The following MINDY3 variants were observed in gnomAD, a reference collection of about 807,000 sequenced individuals.
MINDY3 encodes the protein MINDY lysine 48 deubiquitinase 3, also known as ubiquitin carboxyl-terminal hydrolase MINDY-3.
Under a neutral mutation model 69.2 loss-of-function variants are expected in MINDY3, and 38 were observed. The ratio of observed to expected loss-of-function variants is 0.55; its 90% CI spans 0.42 to 0.72. MINDY3 has a LOEUF of 0.72. Ranked by LOEUF, MINDY3 falls within the 30% of genes least tolerant of loss-of-function variation. MINDY3 has a pLI of 0.00. For missense variants in MINDY3, 522 were observed against 519.0 expected (o/e 1.01, Z -0.06); for synonymous variants, 192 against 180.1 (o/e 1.07, Z -0.53).
chr10:15,805,094 C>A (rs1838540526), intron 10 of MINDY3, among the ~76,000 whole-genome samples: 1 of 152,032 alleles, frequency 6.6e-6, no homozygotes, highest in African/African-American at 2.4e-5. Flanking sequence ...ACTCTTGTGC[C>A]ATAATTATTA....
intron 12 of MINDY3, among the ~76,000 whole-genome samples, chr10:15,787,316 AAAGAAGGAAG>A (rs1837046663): frequency 6.6e-6 from 1 of 152,160 alleles, no homozygotes; most frequent in African/African-American, 2.4e-5. Context: ...GTGTGACTAG[AAAGAAGGAAG>A]AAGAAGGCAG....
In MINDY3 at chr10:15,860,429, G is replaced by A. The variant is rs908637747; in HGVS notation, c.-130C>T. 1 of 732,850 alleles carries A rather than the reference G, an allele frequency of 1.4e-6. No homozygotes were observed. The highest frequency in any genetic ancestry group is 2.4e-6 in the Non-Finnish European group (1 of 417,740). The allele number at this position is 732,850 out of a possible 1,614,324, so 45.4% of individuals were successfully genotyped here. A position where few individuals can be genotyped will look rare whatever the true frequency, so the allele number is the denominator to read the frequency against. On this transcript the variant is annotated 5_prime_UTR_variant, in exon 1 of 15. Coordinates refer to ENST00000277632, the MANE Select transcript of MINDY3 (RefSeq NM_024948.4). ...AATTGGAAGGTGAGGCAGGAAAGAA[G>A]AAGGGGCTGAGAGCCACTTGCAGAG...
At chr10:15,837,874 A>G (rs1833194607) in intron 5 of MINDY3, 1 of 948,248 alleles carries the variant, frequency 1.1e-6, no homozygotes. Flanking sequence ...AAAGGTATAG[A>G]AAACAGATAC....
Position 15,786,637 on chromosome 10 carries a change from A to G in MINDY3, c.1040T>C (p.Met347Thr), listed in dbSNP as rs141903607. ...TCCTTCTGGATCTAATTTATTCTTCATGAGATTTATACTACGGGGAGAAAG... is the reference window on the plus strand; with the variant it reads ...TCCTTCTGGATCTAATTTATTCTTCGTGAGATTTATACTACGGGGAGAAAG... ...LVSDPEYINL[M>T]KNKLDPEGLG... Residue 347 changes from methionine to threonine, a missense_variant, in exon 13 of 15, where the codon ATG (methionine) becomes ACG (threonine). By Grantham distance (81) the Met-to-Thr change is moderately conservative (BLOSUM62 -1). Transcript: ENST00000277632. 3.8e-6 allele frequency: 6 copies of G among 1,571,590 alleles called. No homozygotes were observed. The African/African-American group carries it at 5.4e-5, about 14-fold the overall frequency.
intron 12 of MINDY3, 36 bp from the exon 13 acceptor site, chr10:15,786,684 AG>A (rs1345366340): frequency 2.5e-6 from 3 of 1,224,088 alleles, no homozygotes; most frequent in African/African-American, 3.1e-5. Context: ...TGGATACCAG[AG>A]GAAAAAAAAA....
intron 10 of MINDY3, among the ~76,000 whole-genome samples, chr10:15,813,987 A>G (rs574207961): frequency 4.0e-5 from 6 of 151,530 alleles, no homozygotes; most frequent in Non-Finnish European, 8.8e-5. Context: ...TCAAAAAAAA[A>G]AAAAAAAGAA....
chr10:15,823,692 C>T (rs544446823), intron 8 of MINDY3, among the ~76,000 whole-genome samples: 43 of 152,192 alleles, frequency 2.8e-4, no homozygotes, highest in African/African-American at 1.0e-3. Flanking sequence ...AAGTACAATG[C>T]AATTTTCTTA....
At chr10:15,844,829 G>C (rs1429520868) in intron 2 of MINDY3, among the ~76,000 whole-genome samples, 1 of 152,068 alleles carries the variant, frequency 6.6e-6, no homozygotes, top group African/African-American at 2.4e-5. Flanking sequence ...TATTTTTAAA[G>C]ATGACAAAAA....
Position 15,817,082 on chromosome 10 carries a change from A to G in MINDY3, c.802-167T>C, listed in dbSNP as rs112264709. On this transcript the variant is annotated intron_variant, in intron 9 of 14. Transcript: ENST00000277632. ...TAGAGATCAAATGCTGAATGTAAAAATGAGTGTTAGAAGACTGTCAGTACT... is the reference window on the plus strand; with the variant it reads ...TAGAGATCAAATGCTGAATGTAAAAGTGAGTGTTAGAAGACTGTCAGTACT... 213 of 603,250 alleles carry G rather than the reference A, an allele frequency of 3.5e-4. 1 individual carries two copies. The African/African-American group carries it at 3.7e-3, about 10-fold the overall frequency. The allele number at this position is 603,250 out of a possible 1,614,324, so 37.4% of individuals were successfully genotyped here.
chr10:15,812,788 T>C (rs1317157464), intron 10 of MINDY3, among the ~76,000 whole-genome samples: 3 of 152,160 alleles, frequency 2.0e-5, no homozygotes, highest in African/African-American at 7.2e-5. Context: ...AGCAGTTACA[T>C]TCAACAACAG....
chr10:15,860,460 G>C lies in MINDY3; in HGVS notation c.-161C>G. Reference sequence around the variant, plus strand: ...GCTGAGAGCCACTTGCAGAGACCAAGCCTGTCAAGCCAGGTTGGGGCAGCA... The same window carrying C: ...GCTGAGAGCCACTTGCAGAGACCAACCCTGTCAAGCCAGGTTGGGGCAGCA... On this transcript the variant is annotated 5_prime_UTR_variant, in exon 1 of 15. Transcript: ENST00000277632. The C allele has an allele frequency of 1.5e-6, 1 of 650,368 alleles. No homozygotes were observed. The highest frequency in any genetic ancestry group is 2.7e-6 in the Non-Finnish European group (1 of 369,180). The allele number at this position is 650,368 out of a possible 1,614,324, so 40.3% of individuals were successfully genotyped here.
chr10:15,835,127 C>T (rs1832987146), intron 6 of MINDY3, among the ~76,000 whole-genome samples: 1 of 151,982 alleles, frequency 6.6e-6, no homozygotes, highest in Non-Finnish European at 1.5e-5. Flanking sequence ...AAATGTTGGT[C>T]ATTCAAATGT....
intron 5 of MINDY3, 84 bp from the exon 6 acceptor site, chr10:15,837,402 A>T: frequency 1.6e-6 from 2 of 1,227,188 alleles, no homozygotes; most frequent in Admixed American, 2.3e-5. Context: ...ATTTTCTTAT[A>T]CATTAAAACA....
chr10:15,852,521 A>C (rs1834376399), intron 1 of MINDY3, among the ~76,000 whole-genome samples: 1 of 152,192 alleles, frequency 6.6e-6, no homozygotes, highest in Non-Finnish European at 1.5e-5. Context: ...TGAGTCAGCA[A>C]AGGAGACTGA....
At chr10:15,844,262 A>C (rs1017231295) in intron 2 of MINDY3, among the ~76,000 whole-genome samples, 4 of 152,196 alleles carry the variant, frequency 2.6e-5, no homozygotes, top group African/African-American at 9.6e-5. Flanking sequence ...CAAATATGCT[A>C]ATCAAGCGCT....
intron 13 of MINDY3, among the ~76,000 whole-genome samples, chr10:15,783,470 T>C (rs1836709151): frequency 6.6e-6 from 1 of 152,166 alleles, no homozygotes; most frequent in African/African-American, 2.4e-5. Context: ...TTTTTTACTC[T>C]TCTCTAAAAT....
At chr10:15,833,422 T>C (rs1832863621) in intron 8 of MINDY3, among the ~76,000 whole-genome samples, 2 of 152,190 alleles carry the variant, frequency 1.3e-5, no homozygotes, top group African/African-American at 4.8e-5. Flanking sequence ...ACTAAAGTCA[T>C]ACATTTGGGA....
At position 15,815,687 on chromosome 10, in the gene MINDY3, C is replaced by T. The variant is rs74126622; in HGVS notation, c.882+1148G>A. 6.7e-3 allele frequency among the ~76,000 whole-genome samples: 1,024 copies of T among 152,048 alleles called. 10 individuals carry two copies. Among genetic ancestry groups the T allele is most frequent in the African/African-American group, 0.023 (942 of 41,428 alleles). ...AAAATGATGATGATGATGATGATGA[C>T]GATGACCACAGCTAAAATTTACTCA... On this transcript the variant is annotated intron_variant, in intron 10 of 14. Coordinates refer to ENST00000277632, the MANE Select transcript of MINDY3 (RefSeq NM_024948.4).
intron 10 of MINDY3, among the ~76,000 whole-genome samples, chr10:15,802,767 C>T (rs1838353199): frequency 6.6e-6 from 1 of 151,976 alleles, no homozygotes; most frequent in Admixed American, 6.6e-5. Context: ...AAACCACCAA[C>T]TGTAACTGTC....
Sources: allele counts gnomAD v4.1 joint callset (sites outside exome capture counted in the v4.1 genomes callset), GRCh38; gene constraint gnomAD v4.1.1; transcripts MANE v1.5; gene names NCBI Gene and HGNC (gene_info 2026-07-23, HGNC 2026-07-21).